Variants in MIB1 observed in about 807,000 individuals in gnomAD.
The protein encoded by MIB1 is MIB E3 ubiquitin protein ligase 1, also known as E3 ubiquitin-protein ligase MIB1.
Under a neutral mutation model 124.5 loss-of-function variants are expected in MIB1, and 278 were observed. The ratio of observed to expected loss-of-function variants is 2.23; its 90% CI spans 2.02 to 2.47. The LOEUF (loss-of-function observed/expected upper bound fraction) is 2.47, where lower values mean the gene tolerates loss of function less well. MIB1 is among the 30% of genes most tolerant of loss of function. The pLI, the probability that MIB1 is intolerant of heterozygous loss-of-function variation, is 0.00. For missense variants in MIB1, 957 were observed against 1,254.4 expected (o/e 0.76, Z 3.58); for synonymous variants, 446 against 429.4 (o/e 1.04, Z -0.48).
In MIB1 at chr18:21,791,368, T is replaced by C. The variant is rs533241355; in HGVS notation, c.909-6T>C. The stretch of plus-strand genomic sequence containing the variant: ...CCCATTTTGAGGTTTAGCTTTGCTC[T>C]TGTAGGTGGACCTTCAATCCTGCTG... On this transcript the variant is annotated splice_polypyrimidine_tract_variant and splice_region_variant and intron_variant, in intron 6 of 20. Transcript: ENST00000261537. The C allele has an allele frequency of 6.2e-7, 1 of 1,603,052 alleles. No individual in the cohort carries two copies. The highest frequency in any genetic ancestry group is 1.1e-5 in the South Asian group (1 of 88,772).
chr18:21,862,195 C>T (rs1359571362), intron 20 of MIB1, among the ~76,000 whole-genome samples: 4 of 11,184 alleles, frequency 3.6e-4, no homozygotes, highest in Non-Finnish European at 3.2e-3. Context: ...CCGCGCCTGG[C>T]CGGCTTTTTA....
chr18:21,742,945 TA>T (rs1392569069), intron 1 of MIB1, among the ~76,000 whole-genome samples: 1 of 152,144 alleles, frequency 6.6e-6, no homozygotes, highest in South Asian at 2.1e-4. Flanking sequence ...AAACATTTAT[TA>T]AAAAAAATTT....
intron 3 of MIB1, among the ~76,000 whole-genome samples, chr18:21,772,178 A>T (rs894007895): frequency 5.9e-5 from 9 of 152,216 alleles, no homozygotes; most frequent in South Asian, 2.1e-4. Context: ...TTAGTACAGG[A>T]TGAAAAAGAA....
At chr18:21,724,257 A>G (rs951361570) in intron 1 of MIB1, 2 of 152,272 alleles carry the variant, frequency 1.3e-5, no homozygotes, top group African/African-American at 2.4e-5. Flanking sequence ...GATAGGATAC[A>G]GACTATATCC....
At chr18:21,848,218 G>A (rs2042151086) in intron 16 of MIB1, among the ~76,000 whole-genome samples, 1 of 152,164 alleles carries the variant, frequency 6.6e-6, no homozygotes, top group African/African-American at 2.4e-5. Context: ...TGAGCACTTT[G>A]GGAGGCCGAG....
intron 17 of MIB1, among the ~76,000 whole-genome samples, chr18:21,849,921 C>T (rs951159024): frequency 2.6e-5 from 4 of 152,058 alleles, no homozygotes; most frequent in African/African-American, 9.7e-5. Flanking sequence ...TTCTGTGTTT[C>T]CTGTAAGCTG....
At position 21,767,235 on chromosome 18, in the gene MIB1, G is replaced by T. The variant is rs142892483; in HGVS notation, c.401+1292G>T. Among the ~76,000 whole-genome samples the T allele has an allele frequency of 9.2e-3, 1,407 of 152,242 alleles. 9 individuals carry two copies. The highest frequency in any genetic ancestry group is 0.054 in the Middle Eastern group (16 of 294). On this transcript the variant is annotated intron_variant, in intron 2 of 20. Coordinates refer to ENST00000261537, the MANE Select transcript of MIB1 (RefSeq NM_020774.4). The stretch of plus-strand genomic sequence containing the variant: ...AATTGACTTACAGTTCAGCATTGCT[G>T]GGGAGGCCTCAGGAAACTTATAATC...
intron 6 of MIB1, 28 bp from the exon 7 acceptor site, chr18:21,791,346 A>C (rs763280063): frequency 1.3e-6 from 2 of 1,559,864 alleles, no homozygotes; most frequent in South Asian, 1.2e-5. Flanking sequence ...AAAGCTACCC[A>C]TTTTGAGGTT....
intron 1 of MIB1, among the ~76,000 whole-genome samples, chr18:21,728,191 G>A (rs2146362697): frequency 6.6e-6 from 1 of 152,214 alleles, no homozygotes; most frequent in Non-Finnish European, 1.5e-5. Context: ...AGTCTTTCTT[G>A]TCTTAAAAAC....
Position 21,844,123 on chromosome 18 carries a change from T to C in MIB1, c.2081T>C (p.Ile694Thr), listed in dbSNP as rs1568224498. The change falls in exon 15 of 21, where the codon ATT (isoleucine) becomes ACT (threonine). Residue 694 changes from isoleucine (I) to threonine (T), a missense_variant. Ile to Thr is a moderately conservative substitution (Grantham distance 89). Transcript: ENST00000261537. Reference protein sequence around the residue: ...LLVRAGAKLDIQDKDGDTPLH... With the variant: ...LLVRAGAKLDTQDKDGDTPLH... ...GTCCGTGCAGGTGCCAAGCTTGATA[T>C]TCAGGATAAGGATGGGGATACTCCT... 3.1e-6 allele frequency: 5 copies of C among 1,614,048 alleles called. No homozygotes were observed. Among genetic ancestry groups the C allele is most frequent in the Non-Finnish European group, 4.2e-6 (5 of 1,179,998 alleles).
intron 1 of MIB1, among the ~76,000 whole-genome samples, chr18:21,750,230 A>G (rs912959002): frequency 3.3e-5 from 5 of 152,042 alleles, no homozygotes; most frequent in African/African-American, 9.7e-5. Context: ...CCTGGGTGCA[A>G]GCAATTCTCC....
chr18:21,724,747 T>A (rs1189544305), intron 1 of MIB1, among the ~76,000 whole-genome samples: 40 of 90,750 alleles, frequency 4.4e-4, no homozygotes, highest in South Asian at 1.1e-3. Context: ...TATATATATA[T>A]ATATATATAT....
At chr18:21,712,042 A>G in intron 1 of MIB1, 1 of 174,006 alleles carries the variant, frequency 5.7e-6, no homozygotes, top group Non-Finnish European at 1.3e-5. Context: ...TCTTCTGTGT[A>G]CTCTGCTAGC....
At chr18:21,841,638 C>T (rs2042090029) in intron 13 of MIB1, among the ~76,000 whole-genome samples, 1 of 151,524 alleles carries the variant, frequency 6.6e-6, no homozygotes, top group Admixed American at 6.6e-5. Flanking sequence ...TTTTTTAAAG[C>T]AGGCACTTTG....
At chr18:21,757,384 G>A (rs1433559081) in intron 1 of MIB1, among the ~76,000 whole-genome samples, 3 of 138,796 alleles carry the variant, frequency 2.2e-5, no homozygotes, top group Non-Finnish European at 3.1e-5. Context: ...CCTGGGAGAC[G>A]GAGGTTGCAG....
intron 1 of MIB1, among the ~76,000 whole-genome samples, chr18:21,723,456 C>T (rs2040723778): frequency 6.6e-6 from 1 of 152,120 alleles, no homozygotes; most frequent in Non-Finnish European, 1.5e-5. Flanking sequence ...TTTAGGGCCT[C>T]TCAGTCAACA....
Position 21,870,825 on chromosome 18 carries a change from A to C in MIB1, c.*6159A>C, listed in dbSNP as rs957297087. ...TATATATTCCAACTTTAAAATTGTG[A>C]ATTTATTTTGAGTAACCTCTAATTA... On this transcript the variant is annotated 3_prime_UTR_variant, in exon 21 of 21. Transcript: ENST00000261537. 47 of 152,272 alleles carry C rather than the reference A, an allele frequency of 3.1e-4. No homozygotes were observed. Among genetic ancestry groups the C allele is most frequent in the African/African-American group, 1.1e-3 (47 of 41,566 alleles). The allele number at this position is 152,272 out of a possible 1,614,324, so 9.4% of individuals were successfully genotyped here.
chr18:21,770,017 A>G (rs555598388), intron 3 of MIB1, among the ~76,000 whole-genome samples: 14 of 152,182 alleles, frequency 9.2e-5, no homozygotes, highest in African/African-American at 3.4e-4. Flanking sequence ...TAACCTGGCC[A>G]ACATGGTGAG....
chr18:21,840,644 TATATATATATATATATATATA>T (rs1480339953), intron 13 of MIB1, among the ~76,000 whole-genome samples: 26 of 1,838 alleles, frequency 0.014, no homozygotes, highest in African/African-American at 0.018. Flanking sequence ...TATATATATA[TATATATATATATATATATATA>T]TTTTTTTTTT....
Sources: gnomAD v4.1 joint callset for allele counts (sites outside exome capture counted in the v4.1 genomes callset) on GRCh38, gnomAD v4.1.1 for gene constraint, MANE v1.5 for transcripts, NCBI Gene and HGNC (gene_info 2026-07-23, HGNC 2026-07-21) for gene names.